Variants in ATP2B4 observed in about 807,000 individuals in gnomAD.
ATP2B4 encodes the protein plasma membrane calcium-transporting ATPase 4.
In ATP2B4, 39 loss-of-function variants were observed where a neutral mutation model predicts 110.3. The observed-to-expected ratio is 0.35, with a 90% CI of 0.27 to 0.46. The LOEUF (loss-of-function observed/expected upper bound fraction) is 0.46, where lower values mean the gene tolerates loss of function less well. ATP2B4 is among the 20% of genes least tolerant of loss of function. The pLI, the probability that ATP2B4 is intolerant of heterozygous loss-of-function variation, is 1.00. For synonymous variants in ATP2B4, 538 were observed against 571.7 expected (o/e 0.94, Z 0.84); for missense variants, 1,135 against 1,530.9 (o/e 0.74, Z 4.32).
intron 7 of ATP2B4, among the ~76,000 whole-genome samples, chr1:203,703,284 T>C (rs1454756106): frequency 1.3e-5 from 2 of 152,166 alleles, no homozygotes; most frequent in Non-Finnish European, 2.9e-5. Flanking sequence ...AGATTCACTA[T>C]TTTAAGCACT....
At chr1:203,642,186 A>C (rs1663653431) in intron 1 of ATP2B4, among the ~76,000 whole-genome samples, 2 of 151,988 alleles carry the variant, frequency 1.3e-5, no homozygotes, top group Non-Finnish European at 2.9e-5. Context: ...GGCTCAAGGG[A>C]TCCTCCCAAC....
chr1:203,696,733 G>C (rs1890334), intron 2 of ATP2B4, among the ~76,000 whole-genome samples: 62,960 of 152,134 alleles, frequency 0.41, 13,960 homozygotes, highest in East Asian at 0.79. Flanking sequence ...GGGAAAGTGC[G>C]TAGAGAGTAG....
Position 203,659,147 on chromosome 1 carries a change from A to G in ATP2B4, c.-464-23595A>G, listed in dbSNP as rs142417714. 7.6e-3 allele frequency among the ~76,000 whole-genome samples: 1,164 copies of G among 152,320 alleles called. 17 individuals carry two copies. Among genetic ancestry groups the G allele is most frequent in the African/African-American group, 0.027 (1,108 of 41,564 alleles). ...CTAGGCTAATACTAAAAAACTTGGT[A>G]TAATATAACTTCCAAACTAGCAGAG... On this transcript the variant is annotated intron_variant, in intron 1 of 20. Transcript: ENST00000357681.
chr1:203,721,850 A>G (rs1319553038), intron 17 of ATP2B4, among the ~76,000 whole-genome samples: 3 of 151,592 alleles, frequency 2.0e-5, no homozygotes, highest in Non-Finnish European at 4.4e-5. Flanking sequence ...TTTAGTAGAG[A>G]TGGGGTTTCA....
chr1:203,657,354 T>C (rs1664192758), intron 1 of ATP2B4: 2 of 746,076 alleles, frequency 2.7e-6, no homozygotes, highest in Admixed American at 2.0e-5. Context: ...TTTTAATACG[T>C]CTGTTTCTCC....
chr1:203,678,392 C>CCTTT (rs1553246826), intron 1 of ATP2B4, among the ~76,000 whole-genome samples: 1 of 100,194 alleles, frequency 1.0e-5, no homozygotes, highest in African/African-American at 4.0e-5. Flanking sequence ...TTTCTAGAGG[C>CCTTT]TTTTTTTTTT....
intron 1 of ATP2B4, among the ~76,000 whole-genome samples, chr1:203,652,664 A>T (rs953476239): frequency 6.6e-6 from 1 of 152,084 alleles, no homozygotes; most frequent in Non-Finnish European, 1.5e-5. Flanking sequence ...ATGATGTTTC[A>T]AAGTTTTTCA....
In ATP2B4 at chr1:203,698,278, G is replaced by T; in HGVS notation, c.315G>T (p.Thr105=). ...ELVWEALQDV[T]LIILEIAAII... ...TGTGGGAAGCTCTTCAAGATGTCAC[G>T]CTTATCATCCTGGAGATTGCAGCCA... The change falls in exon 3 of 21, where the codon ACG becomes ACT. Residue 105 remains threonine (T), a synonymous_variant. Coordinates refer to ENST00000357681, the MANE Select transcript of ATP2B4 (RefSeq NM_001684.5). The T allele has an allele frequency of 6.2e-7, 1 of 1,614,090 alleles. No homozygotes were observed. The highest frequency in any genetic ancestry group is 8.5e-7 in the Non-Finnish European group (1 of 1,180,012).
At chr1:203,648,509 G>A (rs1312253141) in intron 1 of ATP2B4, among the ~76,000 whole-genome samples, 1 of 152,180 alleles carries the variant, frequency 6.6e-6, no homozygotes, top group Non-Finnish European at 1.5e-5. Context: ...AGCCCGAGGT[G>A]CCAGCCTCTT....
intron 8 of ATP2B4, among the ~76,000 whole-genome samples, chr1:203,704,085 C>G (rs956008937): frequency 6.6e-6 from 1 of 152,190 alleles, no homozygotes; most frequent in African/African-American, 2.4e-5. Flanking sequence ...TATATTACAG[C>G]AGGGGAGATT....
intron 1 of ATP2B4, among the ~76,000 whole-genome samples, chr1:203,656,083 G>GT (rs1206821242): frequency 7.9e-4 from 111 of 141,002 alleles, no homozygotes; most frequent in African/African-American, 2.6e-3. Flanking sequence ...TTTTTTTTTG[G>GT]TGATTATAGA....
At chr1:203,719,742 A>ATAAG (rs913215193) in intron 15 of ATP2B4, among the ~76,000 whole-genome samples, 4 of 151,558 alleles carry the variant, frequency 2.6e-5, no homozygotes, top group Admixed American at 2.0e-4. Context: ...AAATAAATAA[A>ATAAG]TAAATAAATA....
chr1:203,670,197 T>A (rs1356023982), intron 1 of ATP2B4, among the ~76,000 whole-genome samples: 1 of 132,474 alleles, frequency 7.5e-6, no homozygotes, highest in Non-Finnish European at 1.6e-5. Context: ...TTTTTTTTTT[T>A]AATTGAGTCT....
chr1:203,723,762 G>A (rs1666419422), intron 18 of ATP2B4, 119 bp from the exon 19 acceptor site: 9 of 736,066 alleles, frequency 1.2e-5, no homozygotes, highest in South Asian at 2.1e-5. Context: ...CAAGCAAATC[G>A]GGACTTGTAC....
intron 1 of ATP2B4, among the ~76,000 whole-genome samples, chr1:203,645,835 T>C (rs10900540): frequency 0.96 from 145,255 of 152,086 alleles, 69,738 homozygotes; most frequent in South Asian, 1. Context: ...GTGATCCATC[T>C]GCCTCAGCCT....
intron 1 of ATP2B4, among the ~76,000 whole-genome samples, chr1:203,644,510 T>G (rs1663733035): frequency 1.3e-5 from 2 of 152,138 alleles, no homozygotes; most frequent in Admixed American, 6.6e-5. Flanking sequence ...TTCTGTCACT[T>G]TTGGGAAATC....
intron 1 of ATP2B4, among the ~76,000 whole-genome samples, chr1:203,650,726 A>G (rs764258879): frequency 5.9e-5 from 9 of 152,200 alleles, no homozygotes; most frequent in Non-Finnish European, 1.0e-4. Flanking sequence ...GAGGCTCAGC[A>G]TGCCGGCTGC....
chr1:203,675,073 G>A (rs567637351), intron 1 of ATP2B4, among the ~76,000 whole-genome samples: 19 of 152,182 alleles, frequency 1.2e-4, no homozygotes, highest in East Asian at 3.9e-4. Context: ...GGGGACAGCC[G>A]TGCCCTCCCA....
At chr1:203,739,495 C>G (rs1164010792) in intron 20 of ATP2B4, 51 bp from the exon 21 acceptor site, 1 of 1,552,300 alleles carries the variant, frequency 6.4e-7, no homozygotes, top group Admixed American at 1.8e-5. Flanking sequence ...TTCTGCCGGC[C>G]AATTCTCACC....
Sources: gnomAD v4.1 joint callset for allele counts (sites outside exome capture counted in the v4.1 genomes callset) on GRCh38, gnomAD v4.1.1 for gene constraint, MANE v1.5 for transcripts, NCBI Gene and HGNC (gene_info 2026-07-23, HGNC 2026-07-21) for gene names.